Variants in NWD2 observed in about 807,000 individuals in gnomAD.
NWD2 encodes the protein NACHT and WD repeat domain-containing protein 2.
A neutral mutation model predicts 132.7 loss-of-function variants in NWD2; 37 were observed. The observed-to-expected ratio is 0.28, with a 90% CI of 0.21 to 0.37. The LOEUF is 0.37. Among genes scored for constraint, NWD2 ranks in the 10% least tolerant of loss-of-function variants. The probability of loss-of-function intolerance (pLI) is 1.00; values close to 1 mark genes in which losing one functional copy is unlikely to be tolerated. For synonymous variants in NWD2, 705 were observed against 803.0 expected (o/e 0.88, Z 2.06); for missense variants, 1,592 against 2,122.4 (o/e 0.75, Z 4.91).
In NWD2 at chr4:37,447,211, T is replaced by A; in HGVS notation, c.5223T>A (p.Asp1741Glu). Reference protein sequence around the residue: ...LEARGHSYAPDN With the variant: ...LEARGHSYAPEN The stretch of plus-strand genomic sequence containing the variant: ...CCAGGGGCCACAGCTATGCCCCTGA[T>A]AACTGACAAAATGTTTTCCAGCTAA... Residue 1741 changes from aspartate (D) to glutamate (E), a missense_variant, in exon 7 of 7, where the codon GAT becomes GAA. By Grantham distance (45) the Asp-to-Glu change is conservative (BLOSUM62 2). Around this residue, in one of 7 missense-constraint regions of NWD2, gnomAD observed 257 missense variants for 335.0 expected, o/e 0.77. Coordinates refer to ENST00000309447, the MANE Select transcript of NWD2 (RefSeq NM_001144990.2). The A allele has an allele frequency of 6.5e-7, 1 of 1,543,676 alleles. No individual in the cohort carries two copies. The highest frequency in any genetic ancestry group is 8.8e-7 in the Non-Finnish European group (1 of 1,142,230).
intron 3 of NWD2, among the ~76,000 whole-genome samples, chr4:37,400,358 A>G (rs1205377749): frequency 6.6e-6 from 1 of 152,164 alleles, no homozygotes; most frequent in Non-Finnish European, 1.5e-5. Flanking sequence ...GGATTTTTCC[A>G]TTTGCCTGTG....
intron 2 of NWD2, among the ~76,000 whole-genome samples, chr4:37,352,291 C>T (rs534585624): frequency 5.9e-5 from 9 of 151,564 alleles, no homozygotes; most frequent in South Asian, 2.1e-4. Flanking sequence ...TAAAGACTCC[C>T]GCTATTATTA....
intron 3 of NWD2, among the ~76,000 whole-genome samples, chr4:37,384,597 T>C (rs1720521477): frequency 6.6e-6 from 1 of 152,182 alleles, no homozygotes; most frequent in African/African-American, 2.4e-5. Flanking sequence ...GTACTAGTCA[T>C]TTAATGCTAG....
intron 1 of NWD2, among the ~76,000 whole-genome samples, chr4:37,272,921 GA>G (rs1181854367): frequency 6.6e-6 from 1 of 151,738 alleles, no homozygotes; most frequent in Non-Finnish European, 1.5e-5. Flanking sequence ...CTCCATGTTT[GA>G]AGAGAAGGTA....
intron 1 of NWD2, among the ~76,000 whole-genome samples, chr4:37,273,469 C>G (rs1159192479): frequency 6.6e-6 from 1 of 152,030 alleles, no homozygotes; most frequent in South Asian, 2.1e-4. Flanking sequence ...TAGACTCCCA[C>G]ACAATAATAA....
chr4:37,417,927 G>A (rs1196883527), intron 3 of NWD2, among the ~76,000 whole-genome samples: 1 of 152,076 alleles, frequency 6.6e-6, no homozygotes, highest in Non-Finnish European at 1.5e-5. Flanking sequence ...AAATATTTAT[G>A]GATATATGTA....
chr4:37,339,792 C>T (rs1719482333), intron 2 of NWD2, among the ~76,000 whole-genome samples: 1 of 152,078 alleles, frequency 6.6e-6, no homozygotes, highest in Non-Finnish European at 1.5e-5. Flanking sequence ...ATATATTGTA[C>T]CCATTAAGTA....
intron 3 of NWD2, among the ~76,000 whole-genome samples, chr4:37,404,835 G>A (rs1209568802): frequency 2.0e-5 from 3 of 152,096 alleles, no homozygotes. Context: ...TAGAGAGAGG[G>A]GAAGGTGCTA....
chr4:37,287,510 C>T (rs1422972503), intron 1 of NWD2, among the ~76,000 whole-genome samples: 1 of 152,216 alleles, frequency 6.6e-6, no homozygotes, highest in Non-Finnish European at 1.5e-5. Flanking sequence ...CACAGCCCAA[C>T]ACAGCTGTGG....
At chr4:37,394,203 T>C (rs1421401909) in intron 3 of NWD2, among the ~76,000 whole-genome samples, 2 of 152,258 alleles carry the variant, frequency 1.3e-5, no homozygotes, top group Non-Finnish European at 2.9e-5. Context: ...ACCTCATTGT[T>C]ATCTGTCTAG....
At chr4:37,258,168 T>C (rs1411573233) in intron 1 of NWD2, among the ~76,000 whole-genome samples, 8 of 152,282 alleles carry the variant, frequency 5.3e-5, no homozygotes, top group Admixed American at 5.2e-4. Flanking sequence ...ATGTGGGAAA[T>C]ACCACACTGG....
chr4:37,284,009 G>A (rs1718178040), intron 1 of NWD2, among the ~76,000 whole-genome samples: 1 of 152,112 alleles, frequency 6.6e-6, no homozygotes, highest in Admixed American at 6.5e-5. Context: ...AATATCCTCT[G>A]GAAGGTCATT....
chr4:37,379,860 GCT>G (rs1720418222), intron 3 of NWD2, among the ~76,000 whole-genome samples: 1 of 152,060 alleles, frequency 6.6e-6, no homozygotes, highest in African/African-American at 2.4e-5. Flanking sequence ...GCCCTAAATG[GCT>G]CCATAGAATA....
At chr4:37,418,754 A>G (rs1467393839) in intron 3 of NWD2, among the ~76,000 whole-genome samples, 1 of 152,016 alleles carries the variant, frequency 6.6e-6, no homozygotes, top group African/African-American at 2.4e-5. Flanking sequence ...GTCTTCCATA[A>G]TGGTTGAATT....
intron 3 of NWD2, among the ~76,000 whole-genome samples, chr4:37,372,595 T>G (rs1720251549): frequency 6.6e-6 from 1 of 152,248 alleles, no homozygotes; most frequent in Non-Finnish European, 1.5e-5. Flanking sequence ...ATTTGGAATA[T>G]TGGCCGCTAC....
intron 1 of NWD2, among the ~76,000 whole-genome samples, chr4:37,281,805 G>A (rs575863505): frequency 6.6e-6 from 1 of 152,150 alleles, no homozygotes; most frequent in South Asian, 2.1e-4. Context: ...CTAACATTTC[G>A]ATAATCATGG....
intron 2 of NWD2, among the ~76,000 whole-genome samples, chr4:37,334,304 C>A (rs1037143311): frequency 1.3e-5 from 2 of 152,146 alleles, no homozygotes; most frequent in Admixed American, 6.5e-5. Context: ...CTTTCTGCTG[C>A]CAATAGGATC....
At chr4:37,353,385 G>A (rs1719808542) in intron 2 of NWD2, among the ~76,000 whole-genome samples, 1 of 152,010 alleles carries the variant, frequency 6.6e-6, no homozygotes, top group South Asian at 2.1e-4. Context: ...TTTGAATGTT[G>A]GCCTGTCTTA....
intron 3 of NWD2, among the ~76,000 whole-genome samples, chr4:37,394,799 GTTTTTTT>G (rs1175840735): frequency 1.3e-4 from 7 of 52,594 alleles, no homozygotes; most frequent in South Asian, 1.0e-3. Context: ...AACCTTTATG[GTTTTTTT>G]TTTTTTTTTT....
Sources: allele counts gnomAD v4.1 joint callset (sites outside exome capture counted in the v4.1 genomes callset), GRCh38; gene constraint gnomAD v4.1.1; regional missense constraint gnomAD v4.1.1; transcripts MANE v1.5; gene names NCBI Gene and HGNC (gene_info 2026-07-23, HGNC 2026-07-21).